TMTC2: variants seen among roughly 807,000 people sequenced by gnomAD.
The protein encoded by TMTC2 is transmembrane O-mannosyltransferase targeting cadherins 2.
Under a neutral mutation model 82.4 loss-of-function variants are expected in TMTC2, and 43 were observed. The ratio of observed to expected loss-of-function variants is 0.52; its 90% confidence interval spans 0.41 to 0.67. The LOEUF (loss-of-function observed/expected upper bound fraction) is 0.67, where lower values mean the gene tolerates loss of function less well. Among genes scored for constraint, TMTC2 ranks in the 30% least tolerant of loss-of-function variants. The pLI, the probability that TMTC2 is intolerant of heterozygous loss-of-function variation, is 0.00. For synonymous variants in TMTC2, 408 were observed against 381.9 expected (o/e 1.07, Z -0.80); for missense variants, 919 against 1,012.4 (o/e 0.91, Z 1.25).
intron 4 of TMTC2, among the ~76,000 whole-genome samples, chr12:82,943,964 G>A (rs1172288213): frequency 6.6e-6 from 1 of 152,152 alleles, no homozygotes; most frequent in Non-Finnish European, 1.5e-5. Context: ...ACAAAGAAAT[G>A]TAAATCAGCC....
intron 1 of TMTC2, among the ~76,000 whole-genome samples, chr12:82,728,874 A>G (rs986651099): frequency 1.3e-5 from 2 of 152,198 alleles, no homozygotes; most frequent in Non-Finnish European, 2.9e-5. Flanking sequence ...GCAGCCAGCC[A>G]GCCCGCTGCA....
chr12:82,975,122 C>T (rs919472562), intron 7 of TMTC2, among the ~76,000 whole-genome samples: 32 of 152,008 alleles, frequency 2.1e-4, no homozygotes, highest in African/African-American at 7.0e-4. Context: ...AAGGCTTTGT[C>T]GGCCTAATAT....
intron 2 of TMTC2, among the ~76,000 whole-genome samples, chr12:82,864,996 C>T (rs1416347317): frequency 1.4e-5 from 2 of 146,328 alleles, no homozygotes; most frequent in Non-Finnish European, 3.0e-5. Flanking sequence ...AGGCAGATCA[C>T]GAGATCAGGA....
At chr12:83,042,654 A>G (rs1881938905) in intron 9 of TMTC2, among the ~76,000 whole-genome samples, 2 of 151,716 alleles carry the variant, frequency 1.3e-5, no homozygotes, top group African/African-American at 4.8e-5. Context: ...AAATTCCCAC[A>G]CCCTGTCAGA....
At chr12:83,031,416 G>A (rs569774815) in intron 9 of TMTC2, among the ~76,000 whole-genome samples, 17 of 152,284 alleles carry the variant, frequency 1.1e-4, no homozygotes, top group African/African-American at 3.9e-4. Flanking sequence ...GCCTTAATCA[G>A]TCTAGAATGA....
intron 11 of TMTC2, among the ~76,000 whole-genome samples, chr12:83,095,794 T>A (rs1884009705): frequency 6.6e-6 from 1 of 152,176 alleles, no homozygotes; most frequent in Non-Finnish European, 1.5e-5. Context: ...TAGTTGGCCC[T>A]GTAATTAGGT....
chr12:82,820,073 C>T (rs770572566), intron 1 of TMTC2, among the ~76,000 whole-genome samples: 8 of 152,166 alleles, frequency 5.3e-5, no homozygotes, highest in South Asian at 4.1e-4. Context: ...CGATGTTCTA[C>T]GGCAGGAAGC....
At chr12:82,772,990 G>T (rs1018902339) in intron 1 of TMTC2, among the ~76,000 whole-genome samples, 1 of 152,140 alleles carries the variant, frequency 6.6e-6, no homozygotes, top group East Asian at 1.9e-4. Flanking sequence ...GGTTTGAAAG[G>T]TATTTTTTGT....
intron 8 of TMTC2, among the ~76,000 whole-genome samples, chr12:83,007,226 G>A (rs1013152444): frequency 7.3e-5 from 11 of 150,762 alleles, no homozygotes; most frequent in African/African-American, 2.7e-4. Flanking sequence ...CCTTCCTTCT[G>A]CTGACTTTGG....
At chr12:83,106,589 A>G (rs1431260125) in intron 11 of TMTC2, among the ~76,000 whole-genome samples, 1 of 152,290 alleles carries the variant, frequency 6.6e-6, no homozygotes, top group South Asian at 2.1e-4. Flanking sequence ...TTGGCCTACC[A>G]TGAATTACTG....
intron 11 of TMTC2, among the ~76,000 whole-genome samples, chr12:83,069,127 G>A (rs1034852009): frequency 3.3e-5 from 5 of 151,992 alleles, no homozygotes; most frequent in African/African-American, 1.2e-4. Context: ...ATTTGGGTTG[G>A]GTCCAAAATT....
At chr12:82,961,991 A>G (rs1877960176) in intron 4 of TMTC2, among the ~76,000 whole-genome samples, 1 of 152,054 alleles carries the variant, frequency 6.6e-6, no homozygotes, top group Non-Finnish European at 1.5e-5. Flanking sequence ...GAGGACGATG[A>G]TATTCTAATT....
intron 1 of TMTC2, among the ~76,000 whole-genome samples, chr12:82,723,071 T>C (rs1874287222): frequency 6.6e-6 from 1 of 152,212 alleles, no homozygotes; most frequent in African/African-American, 2.4e-5. Flanking sequence ...TGACACATAG[T>C]AGGCACTCAT....
intron 8 of TMTC2, among the ~76,000 whole-genome samples, chr12:83,023,265 A>T (rs1881018246): frequency 6.6e-6 from 1 of 152,210 alleles, no homozygotes; most frequent in Non-Finnish European, 1.5e-5. Context: ...CATTTTAGGT[A>T]AACCGAATAC....
chr12:82,820,840 C>T (rs1389983390), intron 1 of TMTC2, among the ~76,000 whole-genome samples: 1 of 152,050 alleles, frequency 6.6e-6, no homozygotes, highest in Non-Finnish European at 1.5e-5. Flanking sequence ...AATTTGTGGA[C>T]CTGGATTCTA....
intron 1 of TMTC2, chr12:82,759,032 A>T (rs1488607299): frequency 2.0e-5 from 3 of 152,176 alleles, no homozygotes; most frequent in Non-Finnish European, 4.4e-5. Context: ...CATTGGTTAA[A>T]AAAAAAGAGA....
intron 8 of TMTC2, among the ~76,000 whole-genome samples, chr12:83,017,895 G>C (rs1037774252): frequency 2.6e-5 from 4 of 151,144 alleles, no homozygotes; most frequent in African/African-American, 9.7e-5. Context: ...CTAGAACTTA[G>C]GTTTCAGTTA....
intron 1 of TMTC2, among the ~76,000 whole-genome samples, chr12:82,747,200 T>C (rs1287251855): frequency 2.0e-5 from 3 of 152,220 alleles, no homozygotes; most frequent in African/African-American, 7.2e-5. Flanking sequence ...ATTTCCTTTA[T>C]ACCAGGATAT....
intron 4 of TMTC2, among the ~76,000 whole-genome samples, chr12:82,937,908 CT>C (rs778770178): frequency 0.043 from 1,564 of 36,564 alleles, 33 homozygotes; most frequent in East Asian, 0.14. Context: ...AGATTCAAAC[CT>C]TTTTTTTTTT....
Sources: allele counts gnomAD v4.1 joint callset (sites outside exome capture counted in the v4.1 genomes callset), GRCh38; gene constraint gnomAD v4.1.1; transcripts MANE v1.5; gene names NCBI Gene and HGNC (gene_info 2026-07-23, HGNC 2026-07-21).